DPP10: variants seen among roughly 807,000 people sequenced by gnomAD.
DPP10 encodes the protein dipeptidyl peptidase like 10, also known as inactive dipeptidyl peptidase 10.
DPP10 carries 33 observed loss-of-function variants against 120.9 expected under a neutral mutation model. The observed-to-expected ratio is 0.27, with a 90% CI of 0.21 to 0.37. DPP10 has a LOEUF of 0.37. DPP10 is among the 10% of genes least tolerant of loss of function. The probability of loss-of-function intolerance (pLI) is 1.00; values close to 1 mark genes in which losing one functional copy is unlikely to be tolerated. For missense variants in DPP10, 816 were observed against 942.8 expected (o/e 0.87, Z 1.76); for synonymous variants, 337 against 326.1 (o/e 1.03, Z -0.36).
At chr2:115,359,304 C>T (rs2064615486) in intron 3 of DPP10, among the ~76,000 whole-genome samples, 1 of 152,096 alleles carries the variant, frequency 6.6e-6, no homozygotes, top group Non-Finnish European at 1.5e-5. Flanking sequence ...CCTTAAAGAC[C>T]TCTTGTAAGA....
intron 1 of DPP10, among the ~76,000 whole-genome samples, chr2:115,234,855 G>A (rs191128086): frequency 2.6e-5 from 4 of 152,102 alleles, no homozygotes; most frequent in Admixed American, 2.6e-4. Flanking sequence ...TTCTATCACG[G>A]TCTTGTTTAT....
At chr2:115,471,166 A>T (rs1296617608) in intron 3 of DPP10, among the ~76,000 whole-genome samples, 1 of 152,202 alleles carries the variant, frequency 6.6e-6, no homozygotes, top group Non-Finnish European at 1.5e-5. Flanking sequence ...TTAAGCATAT[A>T]CACGGTTTGG....
chr2:115,514,853 G>A (rs2077416154), intron 4 of DPP10, among the ~76,000 whole-genome samples: 1 of 151,672 alleles, frequency 6.6e-6, no homozygotes, highest in East Asian at 1.9e-4. Context: ...TTTGAATGAA[G>A]CCATGTAAAT....
chr2:114,451,299 G>A (rs987726105), intron 1 of DPP10, among the ~76,000 whole-genome samples: 4 of 152,038 alleles, frequency 2.6e-5, no homozygotes, highest in East Asian at 1.9e-4. Flanking sequence ...CACTGGACTC[G>A]TTCTCTCATT....
chr2:115,366,936 A>G lies in DPP10; in HGVS notation c.271+23024A>G, dbSNP rs544604231. Among the ~76,000 whole-genome samples the G allele has an allele frequency of 2.9e-4, 44 of 152,222 alleles. 1 individual carries two copies. The South Asian group carries it at 8.7e-3, about 30-fold the overall frequency. On this transcript the variant is annotated intron_variant, in intron 3 of 25. Coordinates refer to ENST00000410059, the MANE Select transcript of DPP10 (RefSeq NM_020868.6). ...GATCGGTGTTGGTCATGCCCAAGAC[A>G]AAACTCCTTAGTTGTAGGGACCTTA...
intron 1 of DPP10, among the ~76,000 whole-genome samples, chr2:114,492,491 G>C (rs1682093519): frequency 6.6e-6 from 1 of 152,082 alleles, no homozygotes; most frequent in African/African-American, 2.4e-5. Context: ...TAAAAAATAA[G>C]AATTATGCAA....
chr2:115,170,474 C>A (rs1368329046), intron 1 of DPP10, among the ~76,000 whole-genome samples: 2 of 152,048 alleles, frequency 1.3e-5, no homozygotes, highest in East Asian at 3.9e-4. Context: ...TAGAATAGGT[C>A]ATTTGTCTGG....
chr2:114,732,492 G>A (rs1264722445), intron 1 of DPP10, among the ~76,000 whole-genome samples: 2 of 152,150 alleles, frequency 1.3e-5, no homozygotes, highest in Non-Finnish European at 2.9e-5. Context: ...AGTAAAATGG[G>A]GAAAGATCAT....
intron 1 of DPP10, among the ~76,000 whole-genome samples, chr2:115,160,106 G>A (rs1022786427): frequency 3.3e-5 from 5 of 152,124 alleles, no homozygotes; most frequent in Admixed American, 6.5e-5. Flanking sequence ...CATAATTACT[G>A]GATAAGCTGC....
intron 1 of DPP10, among the ~76,000 whole-genome samples, chr2:115,266,850 C>T (rs940007925): frequency 8.5e-5 from 13 of 152,112 alleles, no homozygotes; most frequent in African/African-American, 1.9e-4. Context: ...TATCCTTATA[C>T]GGTATTTTGC....
At chr2:114,792,990 TTGTGTG>T (rs55780807) in intron 1 of DPP10, among the ~76,000 whole-genome samples, 61,896 of 143,534 alleles carry the variant, frequency 0.43, 13,544 homozygotes, top group East Asian at 0.71. Context: ...AACTGTATTA[TTGTGTG>T]TGTGTGTGTG....
intron 2 of DPP10, among the ~76,000 whole-genome samples, chr2:115,341,228 T>G (rs1398790528): frequency 6.6e-6 from 1 of 152,158 alleles, no homozygotes; most frequent in East Asian, 1.9e-4. Flanking sequence ...TCCTCTGCCT[T>G]TTGAAACATG....
intron 1 of DPP10, among the ~76,000 whole-genome samples, chr2:115,011,105 T>G (rs1391007029): frequency 6.6e-6 from 1 of 152,248 alleles, no homozygotes; most frequent in Admixed American, 6.5e-5. Flanking sequence ...ATATGGTTAC[T>G]CATTTGGAAG....
At chr2:115,328,851 A>T (rs528616673) in intron 2 of DPP10, among the ~76,000 whole-genome samples, 1 of 152,198 alleles carries the variant, frequency 6.6e-6, no homozygotes, top group East Asian at 1.9e-4. Context: ...TGATGCATAA[A>T]TAAATGGAGT....
intron 5 of DPP10, among the ~76,000 whole-genome samples, chr2:115,688,416 A>C (rs866473537): frequency 7.2e-5 from 11 of 152,210 alleles, no homozygotes; most frequent in African/African-American, 2.7e-4. Context: ...TTTGACTTCT[A>C]GGGAGTTTTA....
chr2:115,581,325 A>G (rs1030349533), intron 5 of DPP10, among the ~76,000 whole-genome samples: 2 of 152,170 alleles, frequency 1.3e-5, no homozygotes, highest in African/African-American at 4.8e-5. Context: ...GTATTTTTAC[A>G]TACATTGTTT....
chr2:115,732,850 T>C (rs1031770995), intron 8 of DPP10, among the ~76,000 whole-genome samples: 23 of 152,308 alleles, frequency 1.5e-4, no homozygotes, highest in African/African-American at 5.3e-4. Context: ...GGAGCAAATA[T>C]ACCTGCCAGG....
intron 5 of DPP10, among the ~76,000 whole-genome samples, chr2:115,532,012 T>C (rs1175323596): frequency 1.3e-5 from 2 of 152,130 alleles, no homozygotes; most frequent in African/African-American, 2.4e-5. Context: ...CATATCACAA[T>C]TGATCCACTC....
intron 1 of DPP10, among the ~76,000 whole-genome samples, chr2:114,783,220 C>A (rs928966313): frequency 6.6e-6 from 1 of 151,556 alleles, no homozygotes; most frequent in Admixed American, 6.6e-5. Flanking sequence ...TGCATCAAAG[C>A]GAAAATAGTG....
Sources: allele counts gnomAD v4.1 joint callset (sites outside exome capture counted in the v4.1 genomes callset), GRCh38; gene constraint gnomAD v4.1.1; transcripts MANE v1.5; gene names NCBI Gene and HGNC (gene_info 2026-07-23, HGNC 2026-07-21).